MCF2L2: variants seen among roughly 807,000 people sequenced by gnomAD.
MCF2L2 encodes the protein probable guanine nucleotide exchange factor MCF2L2.
A neutral mutation model predicts 150.2 loss-of-function variants in MCF2L2; 102 were observed. The ratio of observed to expected loss-of-function variants is 0.68; its 90% confidence interval spans 0.58 to 0.80. The LOEUF (loss-of-function observed/expected upper bound fraction) is 0.80. Among genes scored for constraint, MCF2L2 ranks in the 30% least tolerant of loss-of-function variants. The probability of loss-of-function intolerance (pLI) is 0.00; values close to 1 mark genes in which losing one functional copy is unlikely to be tolerated. For synonymous variants in MCF2L2, 465 were observed against 491.3 expected, an observed-to-expected ratio of 0.95 and a Z score of 0.71; for missense variants, 1,256 against 1,372.8, an observed-to-expected ratio of 0.91 and a Z score of 1.34.
chr3:183,261,284 A>G (rs1340940993), intron 15 of MCF2L2, among the ~76,000 whole-genome samples: 1 of 152,178 alleles, frequency 6.6e-6, no homozygotes, highest in Non-Finnish European at 1.5e-5. Flanking sequence ...TGGCTTCTGA[A>G]GATTGGTCCT....
chr3:183,233,971 C>T (rs1723685529), intron 15 of MCF2L2, among the ~76,000 whole-genome samples: 2 of 152,148 alleles, frequency 1.3e-5, no homozygotes, highest in Admixed American at 1.3e-4. Context: ...AGATGTACCA[C>T]AGAGGATGTA....
At chr3:183,213,356 T>C (rs1722805158) in intron 22 of MCF2L2, among the ~76,000 whole-genome samples, 1 of 152,060 alleles carries the variant, frequency 6.6e-6, no homozygotes, top group African/African-American at 2.4e-5. Flanking sequence ...ACTTCTGTGA[T>C]TAAATTAGAC....
intron 24 of MCF2L2, 51 bp from the exon 25 acceptor site, chr3:183,206,005 CAG>C (rs750604134): frequency 6.4e-7 from 1 of 1,572,360 alleles, no homozygotes. Context: ...GTATTAATTG[CAG>C]AGTTTTTATT....
At chr3:183,297,338 G>A in intron 11 of MCF2L2, 171 bp from the exon 12 acceptor site, 1 of 609,396 alleles carries the variant, frequency 1.6e-6, no homozygotes, top group Non-Finnish European at 2.8e-6. Context: ...ATTACACTAT[G>A]AGGGGGACAA....
At chr3:183,308,014 C>T (rs768958525) in intron 10 of MCF2L2, among the ~76,000 whole-genome samples, 3 of 152,236 alleles carry the variant, frequency 2.0e-5, no homozygotes, top group Non-Finnish European at 4.4e-5. Context: ...CTTCTCAGGC[C>T]TTTCCAGACC....
At chr3:183,352,320 C>T (rs961411476) in intron 3 of MCF2L2, among the ~76,000 whole-genome samples, 1 of 151,942 alleles carries the variant, frequency 6.6e-6, no homozygotes, top group African/African-American at 2.4e-5. Context: ...GTCAGGATTT[C>T]GAGACCAGCC....
intron 6 of MCF2L2, among the ~76,000 whole-genome samples, chr3:183,319,381 G>C (rs1335258590): frequency 6.6e-6 from 1 of 152,186 alleles, no homozygotes; most frequent in Admixed American, 6.6e-5. Flanking sequence ...ACCCTTCAAA[G>C]TCATCCATGA....
intron 2 of MCF2L2, among the ~76,000 whole-genome samples, chr3:183,384,536 C>T (rs1713720421): frequency 6.6e-6 from 1 of 151,766 alleles, no homozygotes; most frequent in African/African-American, 2.4e-5. Flanking sequence ...TGATCTGTGG[C>T]CCCCCGCCCA....
chr3:183,377,367 T>A (rs1210953544), intron 3 of MCF2L2: 8 of 152,200 alleles, frequency 5.3e-5, no homozygotes, highest in Non-Finnish European at 7.3e-5. Flanking sequence ...GCAAAGGACA[T>A]GAACTCATTC....
At chr3:183,275,305 G>A (rs1157471509) in intron 15 of MCF2L2, among the ~76,000 whole-genome samples, 1 of 152,036 alleles carries the variant, frequency 6.6e-6, no homozygotes, top group African/African-American at 2.4e-5. Flanking sequence ...TATATACCAA[G>A]CAAATTTGTT....
chr3:183,388,559 G>C (rs971503863), intron 2 of MCF2L2, among the ~76,000 whole-genome samples: 2 of 152,180 alleles, frequency 1.3e-5, no homozygotes, highest in African/African-American at 2.4e-5. Context: ...GGATATTTTT[G>C]TACTGAGCAC....
chr3:183,314,907 CTTTTTTTTTTT>C lies in MCF2L2; in HGVS notation c.754-3146_754-3136del, dbSNP rs869078971. The stretch of plus-strand genomic sequence containing the variant: ...TAAACAGTATCTCTTTTTTTCTTTT[CTTTTTTTTTTT>C]TTTTTTTTTTTTTTTTTTTTTTTTT... On this transcript the variant is annotated intron_variant, in intron 7 of 29. Transcript: ENST00000328913. Among the ~76,000 whole-genome samples, 27 of 13,806 alleles carry C rather than the reference CTTTTTTTTTTT, an allele frequency of 2.0e-3. 2 individuals carry two copies. Among genetic ancestry groups the C allele is most frequent in the African/African-American group, 6.0e-3 (25 of 4,190 alleles). The allele number at this position is 13,806 out of a possible 152,430, so 9.1% of individuals were successfully genotyped here.
rs76125239 is a variant in MCF2L2, at chr3:183,264,094, A to G, written c.1862+12778T>C. On this transcript the variant is annotated intron_variant, in intron 15 of 29. Transcript: ENST00000328913. ...ATAAATACTGAGCAAGGGAGTTACT[A>G]TAACAAACAAAACCAGAAATTTCTA... is the stretch of plus-strand genomic sequence containing the variant. Among the ~76,000 whole-genome samples, 783 of 152,312 alleles carry G rather than the reference A, an allele frequency of 5.1e-3. 5 individuals carry two copies. Among genetic ancestry groups the G allele is most frequent in the Non-Finnish European group, 7.6e-3 (519 of 68,028 alleles).
At chr3:183,254,903 A>C (rs1724897139) in intron 15 of MCF2L2, 1 of 152,240 alleles carries the variant, frequency 6.6e-6, no homozygotes, top group Non-Finnish European at 1.5e-5. Flanking sequence ...GATGTGACAG[A>C]GGCAATTGCT....
Position 183,195,210 on chromosome 3 carries a change from A to T in MCF2L2, c.2918+12T>A, listed in dbSNP as rs201430372. On this transcript the variant is annotated intron_variant, in intron 26 of 29. Transcript: ENST00000328913. ...TTTGACATGCCTTTAAAATAAAAAA[A>T]TCAGTACTCACCTCGTGCTCATTTC... is the stretch of plus-strand genomic sequence containing the variant. The T allele has an allele frequency of 9.3e-3, 14,827 of 1,595,806 alleles. 88 individuals carry two copies. Among genetic ancestry groups the T allele is most frequent in the Non-Finnish European group, 0.011 (12,577 of 1,173,352 alleles).
intron 3 of MCF2L2, among the ~76,000 whole-genome samples, chr3:183,350,638 C>T (rs928323562): frequency 5.3e-5 from 8 of 152,186 alleles, no homozygotes; most frequent in African/African-American, 1.7e-4. Flanking sequence ...GGCGCGGGGG[C>T]TCACGCCTGT....
At position 183,299,862 on chromosome 3, in the gene MCF2L2, A is replaced by G. The variant is rs1289119535; in HGVS notation, c.1305+143T>C. On this transcript the variant is annotated intron_variant, in intron 11 of 29. Coordinates refer to ENST00000328913, the MANE Select transcript of MCF2L2 (RefSeq NM_015078.4). Reference sequence around the variant, plus strand: ...TACTTCTACACCCCAGGATCTGCACAGTTTTTAATGCCTCTCGAACATCTT... The same window carrying G: ...TACTTCTACACCCCAGGATCTGCACGGTTTTTAATGCCTCTCGAACATCTT... The G allele has an allele frequency of 1.3e-5, 11 of 867,584 alleles. No individual in the cohort carries two copies. In the Admixed American group the frequency reaches 2.6e-4, roughly 20 times the overall value. 53.7% of individuals were successfully genotyped at this position (867,584 alleles called of 1,614,324 possible). A position where few individuals can be genotyped will look rare whatever the true frequency, so the allele number is the denominator to read the frequency against.
In MCF2L2 at chr3:183,246,790, T is replaced by C. The variant is rs73064012; in HGVS notation, c.1863-15773A>G. ...CACCCGCTACAGCAGCCGCATCTTT[T>C]ATATTGCCAACAGTGCACAAAGGCT... On this transcript the variant is annotated intron_variant, in intron 15 of 29. Transcript: ENST00000328913. 8.2e-3 allele frequency among the ~76,000 whole-genome samples: 1,250 copies of C among 152,320 alleles called. 16 individuals carry two copies. Among genetic ancestry groups the C allele is most frequent in the African/African-American group, 0.029 (1,189 of 41,562 alleles).
At chr3:183,304,411 A>G (rs1001761892) in intron 10 of MCF2L2, among the ~76,000 whole-genome samples, 1 of 151,446 alleles carries the variant, frequency 6.6e-6, no homozygotes, top group African/African-American at 2.4e-5. Context: ...GCCCAGGTGC[A>G]CTGGTTACCA....
Sources: allele counts gnomAD v4.1 joint callset (sites outside exome capture counted in the v4.1 genomes callset), GRCh38; gene constraint gnomAD v4.1.1; transcripts MANE v1.5; gene names NCBI Gene and HGNC (gene_info 2026-07-23, HGNC 2026-07-21).